The following CRYBG2 variants were observed in gnomAD, a reference collection of about 807,000 sequenced individuals.
The protein encoded by CRYBG2 is crystallin beta-gamma domain containing 2, also known as beta/gamma crystallin domain-containing protein 2.
Under a neutral mutation model 153.4 loss-of-function variants are expected in CRYBG2, and 106 were observed. That is an observed-to-expected ratio of 0.69 (90% CI 0.59 to 0.81). The LOEUF is 0.81. CRYBG2 is among the 30% of genes least tolerant of loss of function. The pLI, the probability that CRYBG2 is intolerant of heterozygous loss-of-function variation, is 0.00. For synonymous variants in CRYBG2, 851 were observed against 877.8 expected (o/e 0.97, Z 0.54); for missense variants, 1,996 against 2,112.0 (o/e 0.95, Z 1.08).
In CRYBG2 at chr1:26,345,423, T is replaced by G. The variant is rs773222744; in HGVS notation, c.1235A>C (p.His412Pro). 1.9e-6 allele frequency: 3 copies of G among 1,609,278 alleles called. No homozygotes were observed. The African/African-American group carries it at 4.0e-5, about 21-fold the overall frequency. Residue 412 changes from histidine (H) to proline (P), a missense_variant, in exon 2 of 20, where the codon CAT becomes CCT. Physicochemically the swap from His to Pro is moderately conservative, Grantham distance 77. Transcript: ENST00000308182. ...ATVLPMVRSEHVTVPGQPPAP... is the reference protein window; with the variant it reads ...ATVLPMVRSEPVTVPGQPPAP... ...AGGAGGTTGTCCAGGGACTGTCACA[T>G]GCTCGCTCCTCACCATGGGCAGGAC...
chr1:26,349,337 G>A (rs925423206), intron 1 of CRYBG2, among the ~76,000 whole-genome samples: 5 of 152,140 alleles, frequency 3.3e-5, no homozygotes, highest in South Asian at 2.1e-4. Flanking sequence ...CCAGGATGAC[G>A]CGGCTATGAG....
At position 26,322,156 on chromosome 1, in the gene CRYBG2, C is replaced by T. The variant is rs745621066; in HGVS notation, c.4897+8G>A. On this transcript the variant is annotated splice_region_variant and intron_variant, in intron 19 of 19. Coordinates refer to ENST00000308182, the MANE Select transcript of CRYBG2 (RefSeq NM_001039775.4). Reference sequence around the variant, plus strand: ...CAGGAGCCCTCTTCCCCATACATCCCACCTTACCCTTCACGTCCAGGATCT... The same window carrying T: ...CAGGAGCCCTCTTCCCCATACATCCTACCTTACCCTTCACGTCCAGGATCT... The T allele has an allele frequency of 3.7e-6, 6 of 1,611,416 alleles. No individual in the cohort carries two copies. The highest frequency in any genetic ancestry group is 5.1e-6 in the Non-Finnish European group (6 of 1,177,918).
chr1:26,334,500 T>C (rs2074031202), intron 14 of CRYBG2, among the ~76,000 whole-genome samples: 1 of 152,138 alleles, frequency 6.6e-6, no homozygotes, highest in African/African-American at 2.4e-5. Flanking sequence ...ATTAAATTAA[T>C]GAACCTAATT....
chr1:26,346,106 C>A lies in CRYBG2; in HGVS notation c.552G>T (p.Val184=). ...VTRTVRTTTV[V]GGHVDRRMSS... ...TCATCCGCCGGTCCACATGACCTCC[C>A]ACCACTGTGGTGGTCCGCACAGTGC... The change falls in exon 2 of 20, where the codon GTG becomes GTT. Residue 184 remains valine, a synonymous_variant. Coordinates refer to ENST00000308182, the MANE Select transcript of CRYBG2 (RefSeq NM_001039775.4). This position sits in a 1 kb window ranked among gnomAD's most constrained non-coding sequence, Gnocchi z 4.9. The A allele has an allele frequency of 6.4e-7, 1 of 1,572,262 alleles. No homozygotes were observed. The highest frequency in any genetic ancestry group is 1.1e-5 in the South Asian group (1 of 87,758).
chr1:26,336,010 G>T lies in CRYBG2; in HGVS notation c.4184+85C>A. The T allele has an allele frequency of 8.6e-7, 1 of 1,159,512 alleles. No individual in the cohort carries two copies. Among genetic ancestry groups the T allele is most frequent in the Non-Finnish European group, 1.2e-6 (1 of 841,616 alleles). 71.8% of individuals were successfully genotyped at this position (1,159,512 alleles called of 1,614,324 possible). On this transcript the variant is annotated intron_variant, in intron 14 of 19. Coordinates refer to ENST00000308182, the MANE Select transcript of CRYBG2 (RefSeq NM_001039775.4). The surrounding 1 kb of genome is among the most constrained non-coding windows in gnomAD (Gnocchi z 4.9). ...AACAGTTCATCGCAAGGTAGCCAAA[G>T]GAAGGAAATCATTTGAAAGACTCTC...
At chr1:26,342,915 GGGGA>G (rs780343441) in intron 4 of CRYBG2, 32 bp from the exon 5 acceptor site, 187 of 1,612,908 alleles carry the variant, frequency 1.2e-4, no homozygotes, top group Non-Finnish European at 1.5e-4. Flanking sequence ...GATCACAGAT[GGGGA>G]GGAGGATGTG....
At position 26,344,362 on chromosome 1, in the gene CRYBG2, T is replaced by G. The variant is rs899589219; in HGVS notation, c.2296A>C (p.Ile766Leu). ...DEVALAADLE[I>L]FLDTLRSMEP... The stretch of plus-strand genomic sequence containing the variant: ...ATGCTCCGCAGCGTATCCAGGAATA[T>G]CTCCAGGTCAGCGGCCAGGGCCACC... The change falls in exon 2 of 20, where the codon ATA becomes CTA. Residue 766 changes from isoleucine (I) to leucine (L), a missense_variant. By Grantham distance (5) the Ile-to-Leu change is conservative. Transcript: ENST00000308182. 43 of 1,508,482 alleles carry G rather than the reference T, an allele frequency of 2.9e-5. No individual in the cohort carries two copies. Among genetic ancestry groups the G allele is most frequent in the Non-Finnish European group, 3.8e-5 (43 of 1,125,588 alleles). The allele number at this position is 1,508,482 out of a possible 1,614,324, so 93.4% of individuals were successfully genotyped here. A position where few individuals can be genotyped will look rare whatever the true frequency, so the allele number is the denominator to read the frequency against.
rs1441939525 is a variant in CRYBG2, at chr1:26,346,651, C to T, written c.7G>A (p.Glu3Lys). The change falls in exon 2 of 20, where the codon GAG (glutamate) becomes AAG (lysine). Residue 3 changes from glutamate (E) to lysine (K), a missense_variant. Transcript: ENST00000308182. The surrounding 1 kb of genome is among the most constrained non-coding windows in gnomAD (Gnocchi z 4.9). ME[E>K]AGGPMARAKA... ...GCCCGGGCCATGGGCCCACCTGCCT[C>T]CTCCATGTGGGGCCCTGGCAACCTG... 6.5e-7 allele frequency: 1 copy of T among 1,538,546 alleles called. No homozygotes were observed. The highest frequency in any genetic ancestry group is 8.8e-7 in the Non-Finnish European group (1 of 1,139,660).
At chr1:26,328,625 G>A in intron 16 of CRYBG2, 109 bp downstream of exon 16, 1 of 1,454,756 alleles carries the variant, frequency 6.9e-7, no homozygotes, top group South Asian at 1.3e-5. Flanking sequence ...GGAGGGGAGT[G>A]GGGGAAAAGT....
chr1:26,345,538 C>T lies in CRYBG2; in HGVS notation c.1120G>A (p.Val374Met), dbSNP rs1313639975. ...PGLTHPAKQP[V>M]VPTHPGARLT... Reference sequence around the variant, plus strand: ...CGGGCCCCGGGGTGAGTGGGCACCACAGGCTGCTTTGCAGGGTGAGTTAGG... The same window carrying T: ...CGGGCCCCGGGGTGAGTGGGCACCATAGGCTGCTTTGCAGGGTGAGTTAGG... Residue 374 changes from valine (V) to methionine (M), a missense_variant, in exon 2 of 20, where the codon GTG becomes ATG. By Grantham distance (21) the Val-to-Met change is conservative (BLOSUM62 1). Transcript: ENST00000308182. 3 of 1,602,784 alleles carry T rather than the reference C, an allele frequency of 1.9e-6. No homozygotes were observed. Among genetic ancestry groups the T allele is most frequent in the Non-Finnish European group, 2.6e-6 (3 of 1,174,134 alleles).
chr1:26,353,229 T>C (rs189830587), intron 1 of CRYBG2, among the ~76,000 whole-genome samples: 22 of 152,182 alleles, frequency 1.4e-4, no homozygotes, highest in African/African-American at 5.1e-4. Context: ...CATGGGATGG[T>C]TGGGAAGATT....
At chr1:26,338,735 CCT>C (rs1298399373) in intron 6 of CRYBG2, among the ~76,000 whole-genome samples, 12 of 152,158 alleles carry the variant, frequency 7.9e-5, no homozygotes, top group African/African-American at 2.2e-4. Context: ...TCCCTGTTAG[CCT>C]CACAATAAAG....
At chr1:26,323,620 T>TA (rs1474792731) in intron 18 of CRYBG2, among the ~76,000 whole-genome samples, 2 of 152,124 alleles carry the variant, frequency 1.3e-5, no homozygotes, top group East Asian at 3.9e-4. Context: ...CTCTTATTTT[T>TA]ATTTTTGTTT....
intron 18 of CRYBG2, among the ~76,000 whole-genome samples, chr1:26,323,500 A>G (rs2073884923): frequency 6.6e-6 from 1 of 152,238 alleles, no homozygotes; most frequent in Non-Finnish European, 1.5e-5. Context: ...TGTAAGCTTC[A>G]GGACGGCAGG....
intron 15 of CRYBG2, 66 bp downstream of exon 15, chr1:26,331,423 G>A: frequency 6.3e-7 from 1 of 1,582,462 alleles, no homozygotes; most frequent in Non-Finnish European, 8.6e-7. Context: ...CAGGTTCTGT[G>A]TCCAGAAGTC....
intron 18 of CRYBG2, among the ~76,000 whole-genome samples, chr1:26,322,785 C>A (rs2073875217): frequency 6.6e-6 from 1 of 152,152 alleles, no homozygotes; most frequent in South Asian, 2.1e-4. Context: ...GGCATGTGGT[C>A]AGCCATCTCT....
chr1:26,328,114 T>A, intron 17 of CRYBG2, 95 bp downstream of exon 17: 1 of 1,468,218 alleles, frequency 6.8e-7, no homozygotes, highest in Non-Finnish European at 9.0e-7. Context: ...ACACAAATGC[T>A]GTGTTTGGGA....
In CRYBG2 at chr1:26,321,969, C is replaced by T. The variant is rs766488501; in HGVS notation, c.4985G>A (p.Ter1662=). Residue 1662 remains the stop codon, a stop_retained_variant, in exon 20 of 20, where the codon TGA becomes TAA. Coordinates refer to ENST00000308182, the MANE Select transcript of CRYBG2 (RefSeq NM_001039775.4). ...GGCTGGAGGGTGAGGGGAAAAGTTT[C>T]AAAGCACGTGGATAGTCCAGATCTG... ...ASQIWTIHVL[*] is the part of the protein sequence containing the mutation. 7.0e-6 allele frequency: 11 copies of T among 1,566,856 alleles called. No homozygotes were observed. The highest frequency in any genetic ancestry group is 1.7e-6 in the Non-Finnish European group (2 of 1,149,440).
At chr1:26,337,084 C>T (rs1179001346) in intron 10 of CRYBG2, 104 bp from the exon 11 acceptor site, 4 of 1,563,556 alleles carry the variant, frequency 2.6e-6, no homozygotes, top group Admixed American at 1.8e-5. Context: ...AGGGGTGAGG[C>T]TGTCAGTACG....
Sources: allele counts gnomAD v4.1 joint callset (sites outside exome capture counted in the v4.1 genomes callset), GRCh38; gene constraint gnomAD v4.1.1; non-coding constraint Gnocchi (gnomAD v3.1); transcripts MANE v1.5; gene names NCBI Gene and HGNC (gene_info 2026-07-23, HGNC 2026-07-21).